AOPEP: variants seen among roughly 807,000 people sequenced by gnomAD.
The protein encoded by AOPEP is aminopeptidase O.
In AOPEP, 77 loss-of-function variants were observed where a neutral mutation model predicts 98.1. The ratio of observed to expected loss-of-function variants is 0.78; its 90% confidence interval spans 0.65 to 0.95. The LOEUF (loss-of-function observed/expected upper bound fraction) is 0.95. Among genes scored for constraint, AOPEP ranks in the 40% least tolerant of loss-of-function variants. The pLI, the probability that AOPEP is intolerant of heterozygous loss-of-function variation, is 0.00. For missense variants in AOPEP, 1,024 were observed against 1,024.7 expected, an observed-to-expected ratio of 1.00 and a Z score of 0.01; for synonymous variants, 346 against 365.3, an observed-to-expected ratio of 0.95 and a Z score of 0.60.
chr9:94,980,195 A>G lies in AOPEP; in HGVS notation c.1977+768A>G, dbSNP rs2060096530. Among the ~76,000 whole-genome samples, 1 of 152,194 alleles carries G rather than the reference A, an allele frequency of 6.6e-6. No individual in the cohort carries two copies. The highest frequency in any genetic ancestry group is 2.4e-5 in the African/African-American group (1 of 41,452). ...TTGGACAGCCCAGGCCCCTTCGCCA[A>G]ATCAAATGCTGGCCATGGCAAGCCT... On this transcript the variant is annotated intron_variant, in intron 11 of 16. Transcript: ENST00000375315. This position sits in a 1 kb window ranked among gnomAD's most constrained non-coding sequence, Gnocchi z 4.3.
intron 5 of AOPEP, among the ~76,000 whole-genome samples, chr9:94,879,871 G>A (rs1178803320): frequency 2.0e-5 from 3 of 152,138 alleles, no homozygotes; most frequent in Non-Finnish European, 4.4e-5. Context: ...GGATCATTTT[G>A]TGTGTTCCAT....
At chr9:94,747,419 GA>G (rs1210593687) in intron 1 of AOPEP, among the ~76,000 whole-genome samples, 3 of 152,164 alleles carry the variant, frequency 2.0e-5, no homozygotes, top group Non-Finnish European at 4.4e-5. Context: ...ATGCTAGTTA[GA>G]GTTACGGTTC....
chr9:95,017,489 GT>G (rs1814643848), intron 13 of AOPEP, among the ~76,000 whole-genome samples: 1 of 152,316 alleles, frequency 6.6e-6, no homozygotes, highest in African/African-American at 2.4e-5. Context: ...TGGGACCACC[GT>G]TGTGTATGTG....
intron 3 of AOPEP, among the ~76,000 whole-genome samples, chr9:94,788,304 A>C (rs981169865): frequency 6.6e-6 from 1 of 151,974 alleles, no homozygotes; most frequent in South Asian, 2.1e-4. Flanking sequence ...GTCTTGAACT[A>C]TTGGTCTCAT....
At chr9:95,003,876 G>GT (rs1199650526) in intron 11 of AOPEP, 1 of 156,092 alleles carries the variant, frequency 6.4e-6, no homozygotes, top group African/African-American at 2.4e-5. Flanking sequence ...GAGCAGACTT[G>GT]TTGTTTGTTT....
At chr9:94,952,119 T>A (rs776514202) in intron 7 of AOPEP, among the ~76,000 whole-genome samples, 14 of 152,164 alleles carry the variant, frequency 9.2e-5, no homozygotes, top group Admixed American at 7.9e-4. Context: ...ACTGTCATTT[T>A]AAAAAAAATT....
At chr9:94,971,364 G>A (rs1055943223) in intron 10 of AOPEP, among the ~76,000 whole-genome samples, 6 of 152,102 alleles carry the variant, frequency 3.9e-5, no homozygotes, top group African/African-American at 9.7e-5. Context: ...ACAATGAATC[G>A]ATTTCAGCAG....
chr9:95,050,823 T>G (rs984679083), intron 13 of AOPEP, among the ~76,000 whole-genome samples: 1 of 152,234 alleles, frequency 6.6e-6, no homozygotes, highest in Non-Finnish European at 1.5e-5. Flanking sequence ...TGACTGTGTG[T>G]CTATGCACAA....
At chr9:95,085,409 C>T in intron 16 of AOPEP, 1 of 521,498 alleles carries the variant, frequency 1.9e-6, no homozygotes, top group Non-Finnish European at 4.0e-6. Context: ...GGAAGATGCT[C>T]ACCGGTCACC....
At chr9:94,797,479 C>T (rs528298709) in intron 4 of AOPEP, among the ~76,000 whole-genome samples, 4 of 151,332 alleles carry the variant, frequency 2.6e-5, no homozygotes, top group African/African-American at 4.9e-5. Context: ...AGAAACAAGG[C>T]GATTCTATGA....
chr9:94,863,578 G>C (rs2045355124), intron 5 of AOPEP, among the ~76,000 whole-genome samples: 1 of 152,104 alleles, frequency 6.6e-6, no homozygotes, highest in Admixed American at 6.5e-5. Context: ...ACAACGCCCA[G>C]CTAATTTTTG....
the AOPEP span, chr9:95,099,282 T>A: frequency 4.5e-6 from 1 of 221,712 alleles, no homozygotes; most frequent in Non-Finnish European, 9.0e-6. Flanking sequence ...AAACTCCTGC[T>A]AGAGTAAGGT....
intron 14 of AOPEP, among the ~76,000 whole-genome samples, chr9:95,071,402 A>C (rs963497578): frequency 2.0e-5 from 3 of 151,980 alleles, no homozygotes; most frequent in African/African-American, 7.2e-5. Context: ...AAACATCAAA[A>C]GTGAATTTGA....
chr9:94,847,429 G>A (rs2043004735), intron 5 of AOPEP, among the ~76,000 whole-genome samples: 1 of 152,192 alleles, frequency 6.6e-6, no homozygotes. Context: ...ACTCCAGTGG[G>A]GCAGGGCTGG....
intron 3 of AOPEP, among the ~76,000 whole-genome samples, chr9:94,781,138 T>G (rs1026055726): frequency 6.6e-6 from 1 of 152,262 alleles, no homozygotes; most frequent in South Asian, 2.1e-4. Flanking sequence ...AGATTTAGAT[T>G]AACTTGCTTG....
At chr9:95,126,626 T>A in the AOPEP span, 1 of 1,595,626 alleles carries the variant, frequency 6.3e-7, no homozygotes, top group Non-Finnish European at 8.6e-7. Flanking sequence ...TCACAAGCAC[T>A]TTCTCAGAAA....
At chr9:95,001,336 T>A (rs535016498) in intron 11 of AOPEP, among the ~76,000 whole-genome samples, 2 of 152,344 alleles carry the variant, frequency 1.3e-5, no homozygotes, top group East Asian at 1.9e-4. Flanking sequence ...ACAAAAAAAG[T>A]TTCTTAGAAC....
At chr9:95,104,706 C>T in the AOPEP span, among the ~76,000 whole-genome samples, 1 of 152,184 alleles carries the variant, frequency 6.6e-6, no homozygotes, top group East Asian at 1.9e-4. Context: ...GTGATTTTCT[C>T]TCACACCCTG....
chr9:94,735,413 G>C (rs939816917), intron 1 of AOPEP, among the ~76,000 whole-genome samples: 6 of 152,160 alleles, frequency 3.9e-5, no homozygotes, highest in East Asian at 1.9e-4. Flanking sequence ...GTAGAGACAG[G>C]GTTTCACCGT....
Sources: gnomAD v4.1 joint callset for allele counts (sites outside exome capture counted in the v4.1 genomes callset) on GRCh38, gnomAD v4.1.1 for gene constraint, Gnocchi (gnomAD v3.1) non-coding constraint, MANE v1.5 for transcripts, NCBI Gene and HGNC (gene_info 2026-07-23, HGNC 2026-07-21) for gene names.